HMGA2: variants seen among roughly 807,000 people sequenced by gnomAD.
The protein encoded by HMGA2 is high mobility group AT-hook 2.
Under a neutral mutation model 19.1 loss-of-function variants are expected in HMGA2, and 8 were observed. The observed-to-expected ratio is 0.42, with a 90% confidence interval of 0.25 to 0.76. The LOEUF is 0.76. Among genes scored for constraint, HMGA2 ranks in the 30% least tolerant of loss-of-function variants. HMGA2 has a pLI of 0.28. For missense variants in HMGA2, 109 were observed against 136.3 expected, an observed-to-expected ratio of 0.80 and a Z score of 1.00; for synonymous variants, 60 against 48.8, an observed-to-expected ratio of 1.23 and a Z score of -0.96.
intron 2 of HMGA2, among the ~76,000 whole-genome samples, chr12:65,833,185 A>G (rs913156164): frequency 2.0e-5 from 3 of 152,138 alleles, no homozygotes; most frequent in African/African-American, 7.2e-5. Flanking sequence ...GGAAACTTAC[A>G]GAACTGGATT....
intron 3 of HMGA2, among the ~76,000 whole-genome samples, chr12:65,949,103 A>G (rs1876366920): frequency 6.6e-6 from 1 of 152,162 alleles, no homozygotes; most frequent in South Asian, 2.1e-4. Context: ...TTGTGTCCTA[A>G]GAGGCAAGAA....
At chr12:65,893,584 T>G (rs1306173173) in intron 3 of HMGA2, among the ~76,000 whole-genome samples, 1 of 152,184 alleles carries the variant, frequency 6.6e-6, no homozygotes, top group Non-Finnish European at 1.5e-5. Context: ...ATTGTAGGGT[T>G]TCAGAGGTAG....
chr12:65,956,938 G>T (rs566311948), intron 4 of HMGA2: 4 of 152,058 alleles, frequency 2.6e-5, no homozygotes, highest in Non-Finnish European at 5.9e-5. Context: ...TTTAAAACCT[G>T]GTCTTTCTAA....
rs529254200 is a variant in HMGA2, at chr12:65,959,736, C to T, written c.283-3509C>T. 3.3e-5 allele frequency among the ~76,000 whole-genome samples: 5 copies of T among 152,338 alleles called. No homozygotes were observed. The South Asian group carries it at 1.0e-3, about 32-fold the overall frequency. The stretch of plus-strand genomic sequence containing the variant: ...ATGAGATGTGTGCAACTCTTGGCTA[C>T]AGTTTTCATCTCCTTATTACTTCAA... On this transcript the variant is annotated intron_variant, in intron 4 of 4. Transcript: ENST00000403681.
chr12:65,902,270 A>G (rs1428521110), intron 3 of HMGA2, among the ~76,000 whole-genome samples: 2 of 152,162 alleles, frequency 1.3e-5, no homozygotes, highest in African/African-American at 2.4e-5. Context: ...TTTGTCTTCC[A>G]TAGATAGTAA....
chr12:65,897,154 G>A (rs373907580), intron 3 of HMGA2, among the ~76,000 whole-genome samples: 3 of 152,028 alleles, frequency 2.0e-5, no homozygotes, highest in Non-Finnish European at 4.4e-5. Flanking sequence ...ATTTTGATGC[G>A]GGCATACAAT....
chr12:65,940,970 A>G (rs1186443779), intron 3 of HMGA2, among the ~76,000 whole-genome samples: 2 of 152,224 alleles, frequency 1.3e-5, no homozygotes, highest in East Asian at 3.8e-4. Context: ...AACTCGTGTC[A>G]TCTCATCTTG....
rs140426255 is a variant in HMGA2, at chr12:65,900,310, C to T, written c.250-51073C>T. Among the ~76,000 whole-genome samples the T allele has an allele frequency of 1.4e-3, 211 of 152,254 alleles. 1 individual carries two copies. The highest frequency in any genetic ancestry group is 5.0e-3 in the African/African-American group (207 of 41,548). On this transcript the variant is annotated intron_variant, in intron 3 of 4. Coordinates refer to ENST00000403681, the MANE Select transcript of HMGA2 (RefSeq NM_003483.6). ...ACATGAAGATTTTGTTAAGAAAATA[C>T]TAGATCTTACATGACTAAATGGCAC... is the stretch of plus-strand genomic sequence containing the variant.
chr12:65,926,719 T>A (rs1415434797), intron 3 of HMGA2, among the ~76,000 whole-genome samples: 1 of 152,196 alleles, frequency 6.6e-6, no homozygotes, highest in African/African-American at 2.4e-5. Flanking sequence ...TCATTAACCA[T>A]GAAGATCACA....
chr12:65,892,208 T>C (rs1262166953), intron 3 of HMGA2, among the ~76,000 whole-genome samples: 1 of 152,226 alleles, frequency 6.6e-6, no homozygotes, highest in Non-Finnish European at 1.5e-5. Context: ...TGATTCATAC[T>C]GTACTCTCAA....
Position 65,879,545 on chromosome 12 carries a change from G to A in HMGA2, c.249+40976G>A, listed in dbSNP as rs543047413. ...GCCAGAAAAAAGAGAACAAGAGTATGTACCAAGTAAGCAAAAGTGTGTTAT... is the reference window on the plus strand; with the variant it reads ...GCCAGAAAAAAGAGAACAAGAGTATATACCAAGTAAGCAAAAGTGTGTTAT... On this transcript the variant is annotated intron_variant, in intron 3 of 4. Coordinates refer to ENST00000403681, the MANE Select transcript of HMGA2 (RefSeq NM_003483.6). 4.6e-5 allele frequency among the ~76,000 whole-genome samples: 7 copies of A among 152,252 alleles called. No homozygotes were observed. In the South Asian group the frequency reaches 1.5e-3, roughly 32 times the overall value.
At chr12:65,933,858 A>G (rs907510628) in intron 3 of HMGA2, among the ~76,000 whole-genome samples, 1 of 152,198 alleles carries the variant, frequency 6.6e-6, no homozygotes, top group Non-Finnish European at 1.5e-5. Flanking sequence ...CCATAGGGCC[A>G]TGAACAAACA....
At chr12:65,937,746 T>G (rs1008404905) in intron 3 of HMGA2, among the ~76,000 whole-genome samples, 9 of 152,236 alleles carry the variant, frequency 5.9e-5, no homozygotes, top group African/African-American at 2.2e-4. Context: ...AAGAGGGCTG[T>G]TCTTCTACCT....
At chr12:65,828,823 C>G (rs1870347627) in intron 2 of HMGA2, 1 of 152,322 alleles carries the variant, frequency 6.6e-6, no homozygotes, top group African/African-American at 2.4e-5. Flanking sequence ...GTGTAATATT[C>G]AGTGTTTATC....
At chr12:65,931,630 C>T (rs1397872958) in intron 3 of HMGA2, among the ~76,000 whole-genome samples, 1 of 151,248 alleles carries the variant, frequency 6.6e-6, no homozygotes, top group East Asian at 1.9e-4. Context: ...TCCAAATGTA[C>T]ACGGTATTTT....
At chr12:65,895,604 G>T (rs1185831750) in intron 3 of HMGA2, among the ~76,000 whole-genome samples, 3 of 152,074 alleles carry the variant, frequency 2.0e-5, no homozygotes, top group Non-Finnish European at 4.4e-5. Flanking sequence ...AACAATATAG[G>T]CATGTTATAT....
chr12:65,951,385 A>G lies in HMGA2; in HGVS notation c.252A>G (p.Pro84=). The change falls in exon 4 of 5, where the codon CCA becomes CCG. Residue 84 remains proline, a splice_region_variant and synonymous_variant. Transcript: ENST00000403681. ...TATCTTTTTCTTTTCCTCCTTAGCC[A>G]CAACAAGTTGTTCAGAAGAAGCCTG... is the stretch of plus-strand genomic sequence containing the variant. ...KRPRGRPRKW[P]QQVVQKKPAQ... is the part of the protein sequence containing the mutation. 6.6e-7 allele frequency: 1 copy of G among 1,525,660 alleles called. No individual in the cohort carries two copies. Among genetic ancestry groups the G allele is most frequent in the East Asian group, 2.5e-5 (1 of 40,690 alleles). 94.5% of individuals were successfully genotyped at this position (1,525,660 alleles called of 1,614,324 possible). A position where few individuals can be genotyped will look rare whatever the true frequency, so the allele number is the denominator to read the frequency against.
At chr12:65,890,386 T>C (rs1368240376) in intron 3 of HMGA2, among the ~76,000 whole-genome samples, 1 of 152,230 alleles carries the variant, frequency 6.6e-6, no homozygotes, top group African/African-American at 2.4e-5. Flanking sequence ...TGTTAGCTTT[T>C]AGTTTTTTCA....
chr12:65,935,986 T>C (rs970600918), intron 3 of HMGA2, among the ~76,000 whole-genome samples: 8 of 152,128 alleles, frequency 5.3e-5, no homozygotes, highest in Non-Finnish European at 1.2e-4. Context: ...CCTGTTACAG[T>C]AATATTATGA....
Sources: gnomAD v4.1 joint callset for allele counts (sites outside exome capture counted in the v4.1 genomes callset) on GRCh38, gnomAD v4.1.1 for gene constraint, MANE v1.5 for transcripts, NCBI Gene and HGNC (gene_info 2026-07-23, HGNC 2026-07-21) for gene names.